The following PML variants were observed in gnomAD, a reference collection of about 807,000 sequenced individuals.
PML encodes the protein PML nuclear body scaffold, also known as protein PML.
In PML, 28 loss-of-function variants were observed where a neutral mutation model predicts 65.2. The observed-to-expected ratio is 0.43, with a 90% CI of 0.32 to 0.59. The LOEUF (loss-of-function observed/expected upper bound fraction) is 0.59, where lower values mean the gene tolerates loss of function less well. PML is among the 20% of genes least tolerant of loss of function. The pLI is 0.08. For missense variants in PML, 1,021 were observed against 1,203.4 expected, an observed-to-expected ratio of 0.85 and a Z score of 2.24; for synonymous variants, 500 against 508.8, an observed-to-expected ratio of 0.98 and a Z score of 0.23.
At chr15:74,036,807 C>T (rs998419658) in intron 7 of PML, among the ~76,000 whole-genome samples, 5 of 152,226 alleles carry the variant, frequency 3.3e-5, no homozygotes, top group African/African-American at 1.2e-4. Context: ...GTTGTCACCC[C>T]ATTCCCCCAG....
Position 74,044,385 on chromosome 15 carries a change from T to G in PML, c.2026T>G (p.Cys676Gly). 1 of 1,614,218 alleles carries G rather than the reference T, an allele frequency of 6.2e-7. No individual in the cohort carries two copies. The highest frequency in any genetic ancestry group is 8.5e-7 in the Non-Finnish European group (1 of 1,180,042). Residue 676 changes from cysteine (C) to glycine (G), a missense_variant, in exon 9 of 9, where the codon TGC becomes GGC. Coordinates refer to ENST00000268058, the MANE Select transcript of PML (RefSeq NM_033238.3). The stretch of plus-strand genomic sequence containing the variant: ...CTCCATGCGCCGCCCTATCTTGGCC[T>G]GCTACAAGCTGTGGGGGCCTGGCCT... Reference protein sequence around the residue: ...LSSMRRPILACYKLWGPGLPN... With the variant: ...LSSMRRPILAGYKLWGPGLPN...
In PML at chr15:73,998,537, G is replaced by A. The variant is rs1404730177; in HGVS notation, c.602+61G>A. ...AAGTACCAGGTAGAGGGCGAGAGGA[G>A]CAAAGATCCAAAGAGTCACACAGCT... On this transcript the variant is annotated intron_variant, in intron 2 of 8. Coordinates refer to ENST00000268058, the MANE Select transcript of PML (RefSeq NM_033238.3). 4.9e-6 allele frequency: 7 copies of A among 1,417,470 alleles called. No homozygotes were observed. The African/African-American group carries it at 7.0e-5, about 14-fold the overall frequency. The allele number at this position is 1,417,470 out of a possible 1,614,324, so 87.8% of individuals were successfully genotyped here.
chr15:74,033,354 A>G lies in PML; in HGVS notation c.1597A>G (p.Ile533Val), dbSNP rs1264938598. The G allele has an allele frequency of 1.2e-6, 2 of 1,613,888 alleles. No homozygotes were observed. The highest frequency in any genetic ancestry group is 1.3e-5 in the African/African-American group (1 of 74,942). ...ACCGCCTAGCCCCAGGAGCCCCGTC[A>G]TAGGAAGTGAGGTCTTCCTGCCCAA... ...DGPPSPRSPVIGSEVFLPNSN... is the reference protein window; with the variant it reads ...DGPPSPRSPVVGSEVFLPNSN... Residue 533 changes from isoleucine (I) to valine (V), a missense_variant, in exon 6 of 9, where the codon ATA (isoleucine) becomes GTA (valine). Ile to Val is a conservative substitution (Grantham distance 29). Transcript: ENST00000268058.
In PML at chr15:74,035,884, C is replaced by T. The variant is rs750714511; in HGVS notation, c.1710+1354C>T. ...CTGGAAGCCTCTCCAATTACATTCC[C>T]ACCACCCTGTGCCCCAGAAAGGCCC... On this transcript the variant is annotated intron_variant, in intron 7 of 8. Coordinates refer to ENST00000268058, the MANE Select transcript of PML (RefSeq NM_033238.3). The surrounding 1 kb of genome is among the most constrained non-coding windows in gnomAD (Gnocchi z 4.1). 1 of 1,613,740 alleles carries T rather than the reference C, an allele frequency of 6.2e-7. No individual in the cohort carries two copies. The highest frequency in any genetic ancestry group is 1.1e-5 in the South Asian group (1 of 91,080).
Position 74,044,756 on chromosome 15 carries a change from C to G in PML, c.2397C>G (p.Ala799=). 1 of 1,612,724 alleles carries G rather than the reference C, an allele frequency of 6.2e-7. No homozygotes were observed. Among genetic ancestry groups the G allele is most frequent in the Non-Finnish European group, 8.5e-7 (1 of 1,180,026 alleles). The stretch of plus-strand genomic sequence containing the variant: ...CCCGGGCTGAGGCCCGCCTCCTGGC[C>G]CTACACAACGTGAGCTTCATGGAGC... ...VLPRAEARLL[A]LHNVSFMELL... is the part of the protein sequence containing the mutation. Residue 799 remains alanine (A), a synonymous_variant, in exon 9 of 9, where the codon GCC becomes GCG. Transcript: ENST00000268058.
rs888575277 is a variant in PML at position 74,042,484 on chromosome 15, G to A, written c.1711-505G>A. 1 of 985,282 alleles carries A rather than the reference G, an allele frequency of 1.0e-6. No homozygotes were observed. Among genetic ancestry groups the A allele is most frequent in the African/African-American group, 1.7e-5 (1 of 57,226 alleles). The allele number at this position is 985,282 out of a possible 1,614,324, so 61.0% of individuals were successfully genotyped here. A position where few individuals can be genotyped will look rare whatever the true frequency, so the allele number is the denominator to read the frequency against. ...CTTCTTTCTCCCGTCCCAAGTTTTG[G>A]TGTTTCTTCTGAGTCTGCTCAGAAA... On this transcript the variant is annotated intron_variant, in intron 7 of 8. Coordinates refer to ENST00000268058, the MANE Select transcript of PML (RefSeq NM_033238.3). The surrounding 1 kb of genome is among the most constrained non-coding windows in gnomAD (Gnocchi z 5.3).
chr15:74,036,290 C>G, intron 7 of PML: 1 of 1,464,466 alleles, frequency 6.8e-7, no homozygotes, highest in South Asian at 1.4e-5. Flanking sequence ...CCACCCCAAG[C>G]CTCTCCACTA....
chr15:74,039,887 C>T (rs2071657669), intron 7 of PML, among the ~76,000 whole-genome samples: 1 of 152,152 alleles, frequency 6.6e-6, no homozygotes, highest in Non-Finnish European at 1.5e-5. Context: ...TGATGTACCT[C>T]CTGGACTTTT....
chr15:74,037,288 C>T lies in PML; in HGVS notation c.1710+2758C>T, dbSNP rs987048598. The T allele has an allele frequency of 1.0e-6, 1 of 985,280 alleles. No homozygotes were observed. Among genetic ancestry groups the T allele is most frequent in the East Asian group, 1.1e-4 (1 of 8,828 alleles). 61.0% of individuals were successfully genotyped at this position (985,280 alleles called of 1,614,324 possible). A position where few individuals can be genotyped will look rare whatever the true frequency, so the allele number is the denominator to read the frequency against. ...CCAATGGCATAGGGACAGTTGACAT[C>T]TTGCTATTTACAGATCCCCATCGCA... On this transcript the variant is annotated intron_variant, in intron 7 of 8. Transcript: ENST00000268058. The surrounding 1 kb of genome is among the most constrained non-coding windows in gnomAD (Gnocchi z 4.2).
chr15:74,034,561 C>G, intron 7 of PML, 31 bp downstream of exon 7: 2 of 1,614,186 alleles, frequency 1.2e-6, no homozygotes, highest in Non-Finnish European at 1.7e-6. Flanking sequence ...GCCCAGGACT[C>G]CTGCCTCCCC....
chr15:74,034,396 G>T, intron 6 of PML, 82 bp from the exon 7 acceptor site: 1 of 1,599,726 alleles, frequency 6.3e-7, no homozygotes, highest in East Asian at 2.2e-5. Context: ...TGGCCTGCAA[G>T]GATTCCCATA....
intron 4 of PML, chr15:74,026,582 A>G (rs1276709279): frequency 6.6e-6 from 1 of 152,226 alleles, no homozygotes; most frequent in Non-Finnish European, 1.5e-5. Context: ...AGTCAGAAAT[A>G]AAAACATAGA....
At chr15:74,038,146 C>T (rs1490880124) in intron 7 of PML, among the ~76,000 whole-genome samples, 3 of 152,154 alleles carry the variant, frequency 2.0e-5, no homozygotes, top group Non-Finnish European at 4.4e-5. Context: ...CTTTCCATCC[C>T]ATAATCTTGG....
rs1045945734 is a variant in PML at position 74,037,664 on chromosome 15, T to C, written c.1710+3134T>C. 6 of 985,264 alleles carry C rather than the reference T, an allele frequency of 6.1e-6. No homozygotes were observed. The highest frequency in any genetic ancestry group is 7.2e-6 in the Non-Finnish European group (6 of 829,936). 61.0% of individuals were successfully genotyped at this position (985,264 alleles called of 1,614,324 possible). A position where few individuals can be genotyped will look rare whatever the true frequency, so the allele number is the denominator to read the frequency against. On this transcript the variant is annotated intron_variant, in intron 7 of 8. Coordinates refer to ENST00000268058, the MANE Select transcript of PML (RefSeq NM_033238.3). This position sits in a 1 kb window ranked among gnomAD's most constrained non-coding sequence, Gnocchi z 4.2. ...GTGCAGTGTCGCGTTTAGTCGTTAT[T>C]ATTCTTGACCGGCGCTGGGCCCGGT...
intron 3 of PML, 135 bp downstream of exon 3, chr15:74,023,543 C>T (rs1296745218): frequency 1.3e-6 from 1 of 761,282 alleles, no homozygotes; most frequent in Non-Finnish European, 2.2e-6. Flanking sequence ...TTGGTAAGGT[C>T]TTAGGTTCCA....
At chr15:74,033,068 G>T in intron 5 of PML, 88 bp from the exon 6 acceptor site, 1 of 1,430,684 alleles carries the variant, frequency 7.0e-7, no homozygotes, top group Non-Finnish European at 9.8e-7. Flanking sequence ...GAGCAAAAGG[G>T]TGGCCACAAG....
chr15:74,012,236 C>T (rs1355273033), intron 2 of PML, among the ~76,000 whole-genome samples: 6 of 152,172 alleles, frequency 3.9e-5, no homozygotes, highest in African/African-American at 9.7e-5. Flanking sequence ...AGTGCAGTGG[C>T]GCAATCTTGG....
chr15:74,035,642 G>C lies in PML; in HGVS notation c.1710+1112G>C, dbSNP rs746431068. 6.2e-7 allele frequency: 1 copy of C among 1,613,896 alleles called. No homozygotes were observed. Among genetic ancestry groups the C allele is most frequent in the Admixed American group, 1.7e-5 (1 of 60,014 alleles). On this transcript the variant is annotated intron_variant, in intron 7 of 8. Transcript: ENST00000268058. The surrounding 1 kb of genome is among the most constrained non-coding windows in gnomAD (Gnocchi z 4.1). ...TCAGCCCACCCCACCGGATACGAGG[G>C]GCTGTGCGATCCCGCAGCCGCTCCC...
chr15:74,041,496 T>C (rs1033902721), intron 7 of PML: 1 of 152,392 alleles, frequency 6.6e-6, no homozygotes, highest in Non-Finnish European at 1.5e-5. Flanking sequence ...GATCTGGAGA[T>C]GCGAGGCGCT....
Sources: allele counts gnomAD v4.1 joint callset (sites outside exome capture counted in the v4.1 genomes callset), GRCh38; gene constraint gnomAD v4.1.1; non-coding constraint Gnocchi (gnomAD v3.1); transcripts MANE v1.5; gene names NCBI Gene and HGNC (gene_info 2026-07-23, HGNC 2026-07-21).